The following KANSL1 variants were observed in gnomAD, a reference collection of about 807,000 sequenced individuals.
KANSL1 encodes KAT8 regulatory NSL complex subunit 1, also known as MLL1/MLL complex subunit KANSL1.
KANSL1 carries 22 observed loss-of-function variants against 103.6 expected under a neutral mutation model. The ratio of observed to expected loss-of-function variants is 0.21; its 90% CI spans 0.15 to 0.30. The LOEUF (loss-of-function observed/expected upper bound fraction) is 0.30. Among genes scored for constraint, KANSL1 ranks in the 10% least tolerant of loss-of-function variants. KANSL1 has a pLI of 1.00. For synonymous variants in KANSL1, 600 were observed against 527.6 expected (o/e 1.14, Z -1.88); for missense variants, 1,337 against 1,399.8 (o/e 0.96, Z 0.72).
At chr17:46,177,281 A>C (rs1217111535) in intron 1 of KANSL1, among the ~76,000 whole-genome samples, 1 of 152,268 alleles carries the variant, frequency 6.6e-6, no homozygotes, top group East Asian at 1.9e-4. Flanking sequence ...CACTGGAAAC[A>C]AAAAGGAAAC....
At chr17:46,067,161 G>C (rs770167003) in intron 5 of KANSL1, among the ~76,000 whole-genome samples, 30 of 152,286 alleles carry the variant, frequency 2.0e-4, no homozygotes, top group South Asian at 1.2e-3. Flanking sequence ...CACTTGTACA[G>C]AATCTCCCTG....
intron 6 of KANSL1, among the ~76,000 whole-genome samples, chr17:46,053,847 CTT>C (rs528221154): frequency 1.6e-3 from 238 of 152,252 alleles, no homozygotes; most frequent in African/African-American, 5.5e-3. Context: ...TGCAGACAAA[CTT>C]AAGTGTACAC....
chr17:46,082,385 CCAAGA>C (rs1303635810), intron 4 of KANSL1, 51 bp downstream of exon 4: 5 of 1,149,032 alleles, frequency 4.4e-6, no homozygotes, highest in Non-Finnish European at 6.5e-6. Flanking sequence ...AAACGGTGTG[CCAAGA>C]CAACACCCTT....
chr17:46,197,859 CCA>C (rs1366869601), upstream of KANSL1, among the ~76,000 whole-genome samples: 2 of 152,224 alleles, frequency 1.3e-5, no homozygotes, highest in Non-Finnish European at 2.9e-5. Context: ...ACCTTCCCTG[CCA>C]CAGACCTTCT....
At chr17:46,211,746 T>G (rs1038621177) in intron 1 of KANSL1, among the ~76,000 whole-genome samples, 5 of 152,264 alleles carry the variant, frequency 3.3e-5, no homozygotes, top group African/African-American at 1.2e-4. Flanking sequence ...TGGTAAATAC[T>G]AATTTATTCA....
intron 10 of KANSL1, chr17:46,034,955 C>T (rs953215341): frequency 6.6e-6 from 1 of 152,252 alleles, no homozygotes; most frequent in African/African-American, 2.4e-5. Context: ...CTATACCTCA[C>T]ATTCCTGGTG....
At chr17:46,160,466 CT>C (rs1028581933) in intron 2 of KANSL1, among the ~76,000 whole-genome samples, 1 of 151,900 alleles carries the variant, frequency 6.6e-6, no homozygotes, top group Non-Finnish European at 1.5e-5. Context: ...CGCCTGGCTA[CT>C]TTTTTTTGTA....
intron 2 of KANSL1, among the ~76,000 whole-genome samples, chr17:46,167,706 T>C (rs535152052): frequency 1.3e-5 from 2 of 152,378 alleles, no homozygotes; most frequent in East Asian, 3.9e-4. Context: ...CTCTAAAGTC[T>C]CATTTAGCAA....
At chr17:46,157,009 G>A (rs2045470116) in intron 2 of KANSL1, 1 of 152,180 alleles carries the variant, frequency 6.6e-6, no homozygotes, top group South Asian at 2.1e-4. Context: ...CCAGAGAAGT[G>A]TTTCCTTGCC....
chr17:46,135,542 ATT>A (rs34258265), intron 2 of KANSL1, among the ~76,000 whole-genome samples: 1,489 of 119,008 alleles, frequency 0.013, 7 homozygotes, highest in East Asian at 0.035. Flanking sequence ...TCAACTATAC[ATT>A]TTTTTTTTTT....
intron 6 of KANSL1, among the ~76,000 whole-genome samples, chr17:46,058,743 ACTCTCTCTCTCTCTCTCTCTCTCT>A (rs756932556): frequency 9.1e-4 from 62 of 68,028 alleles, no homozygotes; most frequent in East Asian, 4.3e-3. Context: ...ACACACACAC[ACTCTCTCTCTCTCTCTCTCTCTCT>A]CTCTCTCTCT....
chr17:46,106,577 G>C (rs1056075732), intron 2 of KANSL1, among the ~76,000 whole-genome samples: 1 of 152,080 alleles, frequency 6.6e-6, no homozygotes, highest in Non-Finnish European at 1.5e-5. Flanking sequence ...ATTTTTAGTA[G>C]AGACGGGGTT....
chr17:46,072,061 AT>A (rs1327051469), intron 4 of KANSL1, among the ~76,000 whole-genome samples: 1 of 149,794 alleles, frequency 6.7e-6, no homozygotes, highest in African/African-American at 2.4e-5. Context: ...CAAATTTGTT[AT>A]TCACATAAAG....
chr17:46,037,107 T>G (rs2077174252), intron 10 of KANSL1, among the ~76,000 whole-genome samples: 1 of 152,178 alleles, frequency 6.6e-6, no homozygotes, highest in African/African-American at 2.4e-5. Flanking sequence ...AAATTTTTAC[T>G]CAATAAATGG....
At chr17:46,222,816 C>T (rs1305090495) in intron 1 of KANSL1, 2 of 152,204 alleles carry the variant, frequency 1.3e-5, no homozygotes, top group Non-Finnish European at 2.9e-5. Context: ...CTTCTCTGTC[C>T]TTCCTCCCAT....
At chr17:46,166,803 C>A (rs1478243482) in intron 2 of KANSL1, among the ~76,000 whole-genome samples, 1 of 152,142 alleles carries the variant, frequency 6.6e-6, no homozygotes, top group Non-Finnish European at 1.5e-5. Flanking sequence ...ACAATTACAG[C>A]ACCCAGGTAA....
chr17:46,211,227 CAAA>C (rs574672233), intron 1 of KANSL1, among the ~76,000 whole-genome samples: 84 of 102,474 alleles, frequency 8.2e-4, no homozygotes, highest in African/African-American at 2.9e-3. Flanking sequence ...ATGTTCTATG[CAAA>C]AAAAAAAAAA....
intron 4 of KANSL1, among the ~76,000 whole-genome samples, chr17:46,076,639 T>C (rs894934617): frequency 1.3e-4 from 17 of 131,764 alleles, no homozygotes; most frequent in African/African-American, 4.3e-4. Context: ...TGGGTTTGCA[T>C]TGAATCATTG....
chr17:46,091,022 G>GA (rs2079365239), intron 3 of KANSL1, among the ~76,000 whole-genome samples: 1 of 152,194 alleles, frequency 6.6e-6, no homozygotes, highest in Admixed American at 6.5e-5. Flanking sequence ...AGTGAACTGT[G>GA]AAACAGCCTC....
Sources: allele counts gnomAD v4.1 joint callset (sites outside exome capture counted in the v4.1 genomes callset), GRCh38; gene constraint gnomAD v4.1.1; transcripts MANE v1.5; gene names NCBI Gene and HGNC (gene_info 2026-07-23, HGNC 2026-07-21).